Variants in RMDN1 observed in about 807,000 individuals in gnomAD.
The protein encoded by RMDN1 is regulator of microtubule dynamics protein 1.
A neutral mutation model predicts 48.9 loss-of-function variants in RMDN1; 48 were observed. The ratio of observed to expected loss-of-function variants is 0.98; its 90% CI spans 0.78 to 1.25. The LOEUF (loss-of-function observed/expected upper bound fraction) is 1.25, where lower values mean the gene tolerates loss of function less well. RMDN1 is among the 50% of genes most tolerant of loss of function. The probability of loss-of-function intolerance (pLI) is 0.00; values close to 1 mark genes in which losing one functional copy is unlikely to be tolerated. For synonymous variants in RMDN1, 148 were observed against 132.6 expected (o/e 1.12, Z -0.80); for missense variants, 418 against 373.4 (o/e 1.12, Z -0.98).
At chr8:86,503,980 A>C (rs1818846873) in intron 2 of RMDN1, 1 of 771,644 alleles carries the variant, frequency 1.3e-6, no homozygotes, top group Non-Finnish European at 2.4e-6. Context: ...TGGACTGTGC[A>C]CAGGTTTTAT....
At chr8:86,481,986 G>T in intron 5 of RMDN1, 6 of 856,878 alleles carry the variant, frequency 7.0e-6, no homozygotes, top group South Asian at 4.3e-5. Flanking sequence ...ATGTGGAAAT[G>T]GTGTCCAGGA....
intron 2 of RMDN1, among the ~76,000 whole-genome samples, chr8:86,497,832 A>C (rs1817616385): frequency 6.6e-6 from 1 of 152,214 alleles, no homozygotes; most frequent in Admixed American, 6.5e-5. Context: ...GCGGTGGCTC[A>C]TGCCTGTAAT....
intron 3 of RMDN1, among the ~76,000 whole-genome samples, chr8:86,488,092 AAG>A (rs1173780519): frequency 6.6e-6 from 1 of 152,142 alleles, no homozygotes; most frequent in Non-Finnish European, 1.5e-5. Context: ...AAAATAGAAA[AAG>A]GGGGTATTTT....
At chr8:86,486,713 A>G in intron 3 of RMDN1, 70 bp from the exon 4 acceptor site, 1 of 1,211,750 alleles carries the variant, frequency 8.3e-7, no homozygotes, top group Non-Finnish European at 1.1e-6. Flanking sequence ...TTACATTACT[A>G]ATGAATACAT....
chr8:86,488,596 T>G lies in RMDN1; in HGVS notation c.291A>C (p.Gly97=). 1 of 1,611,442 alleles carries G rather than the reference T, an allele frequency of 6.2e-7. No homozygotes were observed. The highest frequency in any genetic ancestry group is 8.5e-7 in the Non-Finnish European group (1 of 1,178,810). Residue 97 remains glycine, a synonymous_variant, in exon 3 of 10, where the codon GGA becomes GGC. Coordinates refer to ENST00000406452, the MANE Select transcript of RMDN1 (RefSeq NM_016033.3). The part of the protein sequence containing the change: ...LEQADYLYES[G]ETEKLYQLLT... ...GCAACTGATAAAGTTTTTCTGTTTC[T>G]CCGCTTTCATACAGGTAGTCTGCTT... is the stretch of plus-strand genomic sequence containing the variant.
chr8:86,476,256 CATG>C (rs1349922797), intron 8 of RMDN1, among the ~76,000 whole-genome samples: 1 of 152,092 alleles, frequency 6.6e-6, no homozygotes, highest in African/African-American at 2.4e-5. Context: ...GATTCATATT[CATG>C]ATATGTGAAA....
chr8:86,513,984 C>T (rs1218080607), intron 1 of RMDN1, among the ~76,000 whole-genome samples: 1 of 151,722 alleles, frequency 6.6e-6, no homozygotes, highest in African/African-American at 2.4e-5. Context: ...GGACCACAGT[C>T]GCGTGCCACC....
In RMDN1 at chr8:86,474,924, G is replaced by C; in HGVS notation, c.790C>G (p.Leu264Val). The change falls in exon 9 of 10, where the codon CTT (leucine) becomes GTT (valine). Residue 264 changes from leucine to valine, a missense_variant. Physicochemically the swap from Leu to Val is conservative, Grantham distance 32 (BLOSUM62 1). Transcript: ENST00000406452. ...TTCAAGTATGTCTTTCCTAAAAGAA[G>C]TAAGTTTTTGCTGTAGAAGTTTGGA... is the stretch of plus-strand genomic sequence containing the variant. ...VDPNFYSKNL[L>V]LLGKTYLKLH... 4.3e-6 allele frequency: 7 copies of C among 1,610,538 alleles called. No individual in the cohort carries two copies. Among genetic ancestry groups the C allele is most frequent in the Non-Finnish European group, 5.9e-6 (7 of 1,178,912 alleles).
intron 2 of RMDN1, among the ~76,000 whole-genome samples, chr8:86,501,308 A>G (rs1563650725): frequency 6.6e-6 from 1 of 152,218 alleles, no homozygotes; most frequent in Non-Finnish European, 1.5e-5. Context: ...AGAAAGCACT[A>G]CATCTTTACA....
intron 2 of RMDN1, among the ~76,000 whole-genome samples, chr8:86,501,240 T>C (rs6471360): frequency 0.26 from 40,299 of 152,148 alleles, 6,227 homozygotes; most frequent in East Asian, 0.53. Context: ...AAATGGACTA[T>C]GATAAAGCCA....
chr8:86,470,379 C>T (rs189685577), downstream of RMDN1: 158 of 1,287,790 alleles, frequency 1.2e-4, no homozygotes, highest in Middle Eastern at 2.1e-4. Flanking sequence ...GGAAACGTCA[C>T]GGACCAATGT....
chr8:86,471,278 C>CA (rs567526078), downstream of RMDN1, among the ~76,000 whole-genome samples: 134 of 150,640 alleles, frequency 8.9e-4, no homozygotes, highest in Admixed American at 4.2e-3. Context: ...CCTGATCTCA[C>CA]AAAAAACAAA....
Position 86,486,646 on chromosome 8 carries a change from A to G in RMDN1, c.336-3T>C. On this transcript the variant is annotated splice_region_variant and splice_polypyrimidine_tract_variant and intron_variant, in intron 3 of 9. Coordinates refer to ENST00000406452, the MANE Select transcript of RMDN1 (RefSeq NM_016033.3). ...GCCACAGTAACTCTGCATCTTCACT[A>G]ATTTGAAATAAAATATAAAACAACC... 1.9e-6 allele frequency: 3 copies of G among 1,578,786 alleles called. No individual in the cohort carries two copies. Among genetic ancestry groups the G allele is most frequent in the Non-Finnish European group, 2.6e-6 (3 of 1,164,156 alleles).
Position 86,472,377 on chromosome 8 carries a change from C to T in RMDN1, c.*1931G>A. 1.4e-6 allele frequency: 1 copy of T among 700,582 alleles called. No homozygotes were observed. The highest frequency in any genetic ancestry group is 1.5e-5 in the South Asian group (1 of 67,158). The allele number at this position is 700,582 out of a possible 1,614,324, so 43.4% of individuals were successfully genotyped here. A position where few individuals can be genotyped will look rare whatever the true frequency, so the allele number is the denominator to read the frequency against. On this transcript the variant is annotated 3_prime_UTR_variant, in exon 10 of 10. Transcript: ENST00000406452. ...AGGTGCACAACACAGTTTATTCGGTCTCCCTAAAGGAAAAAACCCATTTTA... is the reference window on the plus strand; with the variant it reads ...AGGTGCACAACACAGTTTATTCGGTTTCCCTAAAGGAAAAAACCCATTTTA...
intron 2 of RMDN1, among the ~76,000 whole-genome samples, chr8:86,496,625 G>T (rs1330010751): frequency 6.6e-6 from 1 of 152,142 alleles, no homozygotes; most frequent in Non-Finnish European, 1.5e-5. Context: ...TAGCATTGGA[G>T]CACGCGGATT....
At chr8:86,495,264 T>C (rs898081181) in intron 2 of RMDN1, among the ~76,000 whole-genome samples, 1 of 152,162 alleles carries the variant, frequency 6.6e-6, no homozygotes, top group African/African-American at 2.4e-5. Flanking sequence ...TAGAAGCTCC[T>C]AGGGAAAGGG....
intron 2 of RMDN1, among the ~76,000 whole-genome samples, chr8:86,494,590 C>A (rs893948047): frequency 6.6e-6 from 1 of 151,888 alleles, no homozygotes; most frequent in African/African-American, 2.4e-5. Flanking sequence ...TGAAAGAAAC[C>A]AGTGATCATT....
In RMDN1 at chr8:86,488,558, T is replaced by C; in HGVS notation, c.329A>G (p.Lys110Arg). The C allele has an allele frequency of 6.2e-7, 1 of 1,604,824 alleles. No individual in the cohort carries two copies. The change falls in exon 3 of 10, where the codon AAG becomes AGG. Residue 110 changes from lysine (K) to arginine (R), a missense_variant. Lys to Arg is a conservative substitution (Grantham distance 26). Coordinates refer to ENST00000406452, the MANE Select transcript of RMDN1 (RefSeq NM_016033.3). ...EKLYQLLTQYKESEDAELLWR... is the reference protein window; with the variant it reads ...EKLYQLLTQYRESEDAELLWR... ...CCTATCCTACATTGCTTACCTTTCC[T>C]TGTATTGGGTTAGCAACTGATAAAG...
At chr8:86,502,348 T>C (rs1161114770) in intron 2 of RMDN1, among the ~76,000 whole-genome samples, 1 of 152,122 alleles carries the variant, frequency 6.6e-6, no homozygotes, top group Non-Finnish European at 1.5e-5. Flanking sequence ...GTGATCCTCC[T>C]GCCTCAGCCT....
Sources: gnomAD v4.1 joint callset for allele counts (sites outside exome capture counted in the v4.1 genomes callset) on GRCh38, gnomAD v4.1.1 for gene constraint, MANE v1.5 for transcripts, NCBI Gene and HGNC (gene_info 2026-07-23, HGNC 2026-07-21) for gene names.